SLC12A3: variants seen among roughly 807,000 people sequenced by gnomAD.
The protein encoded by SLC12A3 is solute carrier family 12 member 3, also known as Na-Cl cotransporter.
SLC12A3 carries 104 observed loss-of-function variants against 121.0 expected under a neutral mutation model. The observed-to-expected ratio is 0.86, with a 90% CI of 0.73 to 1.01. The LOEUF (loss-of-function observed/expected upper bound fraction) is 1.01, where lower values mean the gene tolerates loss of function less well. SLC12A3 is among the 50% of genes least tolerant of loss of function. The probability of loss-of-function intolerance (pLI) is 0.00; values close to 1 mark genes in which losing one functional copy is unlikely to be tolerated. For missense variants in SLC12A3, 1,328 were observed against 1,356.3 expected (o/e 0.98, Z 0.33); for synonymous variants, 536 against 533.4 (o/e 1.00, Z -0.07).
At chr16:56,905,965 T>C (rs1311949577) in intron 25 of SLC12A3, among the ~76,000 whole-genome samples, 1 of 152,176 alleles carries the variant, frequency 6.6e-6, no homozygotes, top group Admixed American at 6.5e-5. Flanking sequence ...TCAAGCTTGC[T>C]TTCTCTGGCA....
intron 9 of SLC12A3, 34 bp from the exon 10 acceptor site, chr16:56,879,039 G>T: frequency 1.9e-6 from 3 of 1,583,414 alleles, no homozygotes; most frequent in Non-Finnish European, 2.6e-6. Context: ...AGGAGGGAAG[G>T]CAGACCTCCC....
At chr16:56,884,262 GC>G in intron 14 of SLC12A3, 58 bp downstream of exon 14, 1 of 1,580,694 alleles carries the variant, frequency 6.3e-7, no homozygotes, top group South Asian at 1.1e-5. Flanking sequence ...CATGCAGGCG[GC>G]CCTGCCCTCC....
intron 2 of SLC12A3, among the ~76,000 whole-genome samples, chr16:56,867,715 T>G (rs1275854691): frequency 8.5e-5 from 13 of 152,266 alleles, no homozygotes; most frequent in African/African-American, 2.9e-4. Flanking sequence ...CCCCAGATGC[T>G]CTTATTCAGA....
At chr16:56,898,402 G>A (rs2055494262) in intron 22 of SLC12A3, among the ~76,000 whole-genome samples, 1 of 152,090 alleles carries the variant, frequency 6.6e-6, no homozygotes, top group Admixed American at 6.5e-5. Context: ...GGGACTACAG[G>A]CACCTGCTAC....
chr16:56,879,282 AG>A, intron 10 of SLC12A3, 55 bp downstream of exon 10: 1 of 1,608,004 alleles, frequency 6.2e-7, no homozygotes, highest in Middle Eastern at 1.7e-4. Flanking sequence ...TGGAGGCTGC[AG>A]GGCCCCTTGC....
chr16:56,868,585 G>C lies in SLC12A3; in HGVS notation c.505+213G>C, dbSNP rs114055028. ...GTGGCAGAGGCACGCTGGACATGGG[G>C]TCAGCAGGCCTAAGGGCTATTTGCC... is the stretch of plus-strand genomic sequence containing the variant. On this transcript the variant is annotated intron_variant, in intron 3 of 25. Coordinates refer to ENST00000563236, the MANE Select transcript of SLC12A3 (RefSeq NM_001126108.2). Among the ~76,000 whole-genome samples the C allele has an allele frequency of 5.9e-3, 894 of 152,354 alleles. 10 individuals carry two copies. The highest frequency in any genetic ancestry group is 0.021 in the African/African-American group (863 of 41,578).
At chr16:56,887,268 G>A (rs1228715284) in intron 17 of SLC12A3, among the ~76,000 whole-genome samples, 175 bp downstream of exon 17, 1 of 151,874 alleles carries the variant, frequency 6.6e-6, no homozygotes, top group Admixed American at 6.6e-5. Context: ...ATGGTGTGAT[G>A]TCAGCTCACT....
chr16:56,885,153 G>A (rs997809599), intron 14 of SLC12A3, 112 bp from the exon 15 acceptor site: 32 of 754,152 alleles, frequency 4.2e-5, no homozygotes, highest in East Asian at 2.4e-4. Context: ...CTGCTCCCAC[G>A]GGTGCCCGGT....
intron 18 of SLC12A3, among the ~76,000 whole-genome samples, chr16:56,890,050 G>A (rs1303126115): frequency 1.3e-5 from 2 of 152,192 alleles, no homozygotes; most frequent in Non-Finnish European, 2.9e-5. Context: ...CCTGAGTACC[G>A]GATCTGCAGG....
intron 10 of SLC12A3, 31 bp downstream of exon 10, chr16:56,879,258 C>CAGTGGGGGCTG (rs1477615176): frequency 6.2e-7 from 1 of 1,613,202 alleles, no homozygotes; most frequent in South Asian, 1.1e-5. Flanking sequence ...CCACCAGACA[C>CAGTGGGGGCTG]AGTGGGGGCT....
intron 18 of SLC12A3, 66 bp downstream of exon 18, chr16:56,888,097 G>A: frequency 8.2e-7 from 1 of 1,219,534 alleles, no homozygotes; most frequent in South Asian, 1.2e-5. Context: ...TTGAGAAGTG[G>A]AAAAGAAGTA....
At chr16:56,883,509 T>C (rs1177765029) in intron 13 of SLC12A3, among the ~76,000 whole-genome samples, 1 of 152,064 alleles carries the variant, frequency 6.6e-6, no homozygotes. Flanking sequence ...CTCGATCTCC[T>C]GACCTCATGA....
At chr16:56,899,670 C>T in intron 23 of SLC12A3, 54 bp downstream of exon 23, 1 of 1,293,306 alleles carries the variant, frequency 7.7e-7, no homozygotes, top group Non-Finnish European at 1.1e-6. Flanking sequence ...TGCCTGGAGA[C>T]CCCTCTGCCG....
chr16:56,905,270 C>T (rs1323376604), intron 25 of SLC12A3, among the ~76,000 whole-genome samples: 1 of 139,196 alleles, frequency 7.2e-6, no homozygotes, highest in East Asian at 2.0e-4. Flanking sequence ...ACCTGGGAGG[C>T]AGAGGTTGCG....
At chr16:56,875,831 G>C (rs912997768) in intron 8 of SLC12A3, among the ~76,000 whole-genome samples, 11 of 140,388 alleles carry the variant, frequency 7.8e-5, no homozygotes, top group Non-Finnish European at 1.6e-4. Context: ...GCACATCCAG[G>C]TCCACATCTC....
In SLC12A3 at chr16:56,870,261, G is replaced by A. The variant is rs568517636; in HGVS notation, c.741+26G>A. 4.0e-4 allele frequency: 649 copies of A among 1,608,678 alleles called. 6 individuals carry two copies. The South Asian group carries it at 6.6e-3, about 16-fold the overall frequency. On this transcript the variant is annotated intron_variant, in intron 5 of 25. Coordinates refer to ENST00000563236, the MANE Select transcript of SLC12A3 (RefSeq NM_001126108.2). ...GTGAGGCCGGGGGGCTGGACCCTGG[G>A]TAGAGGGATCCGGGCAGCCCATTGC... is the stretch of plus-strand genomic sequence containing the variant.
In SLC12A3 at chr16:56,890,342, T is replaced by C. The variant is rs772274332; in HGVS notation, c.2354T>C (p.Met785Thr). The change falls in exon 19 of 26, where the codon ATG becomes ACG. Residue 785 changes from methionine (M) to threonine (T), a missense_variant. Transcript: ENST00000563236. ...CGGGAGGGACTCAACGTGTCCAAGA[T>C]GATGCAGGCGCACAGTGAGTACATG... ...RMREGLNVSKMMQAHINPVFD... is the reference protein window; with the variant it reads ...RMREGLNVSKTMQAHINPVFD... The C allele has an allele frequency of 4.3e-6, 7 of 1,613,956 alleles. No individual in the cohort carries two copies. Among genetic ancestry groups the C allele is most frequent in the Middle Eastern group, 3.3e-4 (2 of 6,084 alleles).
intron 20 of SLC12A3, among the ~76,000 whole-genome samples, chr16:56,892,580 G>T (rs1596932924): frequency 1.3e-5 from 2 of 152,268 alleles, no homozygotes; most frequent in South Asian, 4.1e-4. Flanking sequence ...TGCAGGGTGG[G>T]GTGGGATTTT....
chr16:56,868,511 C>T (rs555192653), intron 3 of SLC12A3, 139 bp downstream of exon 3: 6 of 847,962 alleles, frequency 7.1e-6, no homozygotes, highest in African/African-American at 5.0e-5. Context: ...CAGGCCTTCT[C>T]CTCCCTGGTT....
Sources: allele counts gnomAD v4.1 joint callset (sites outside exome capture counted in the v4.1 genomes callset), GRCh38; gene constraint gnomAD v4.1.1; transcripts MANE v1.5; gene names NCBI Gene and HGNC (gene_info 2026-07-23, HGNC 2026-07-21).